Variants in NKAIN2 observed in about 807,000 individuals in gnomAD.
The protein encoded by NKAIN2 is sodium/potassium transporting ATPase interacting 2.
A neutral mutation model predicts 32.6 loss-of-function variants in NKAIN2; 14 were observed. The observed-to-expected ratio is 0.43, with a 90% CI of 0.28 to 0.67. NKAIN2 has a LOEUF of 0.67. Ranked by LOEUF, NKAIN2 falls within the 30% of genes least tolerant of loss-of-function variation. The pLI, the probability that NKAIN2 is intolerant of heterozygous loss-of-function variation, is 0.17. For synonymous variants in NKAIN2, 80 were observed against 87.2 expected, an observed-to-expected ratio of 0.92 and a Z score of 0.46; for missense variants, 198 against 258.3, an observed-to-expected ratio of 0.77 and a Z score of 1.60.
intron 3 of NKAIN2, among the ~76,000 whole-genome samples, chr6:124,642,758 C>T (rs1362484849): frequency 6.6e-6 from 1 of 152,102 alleles, no homozygotes; most frequent in African/African-American, 2.4e-5. Context: ...AATATTGATA[C>T]TTCCCAGGGT....
chr6:124,135,339 G>GA (rs1475998519), intron 1 of NKAIN2, among the ~76,000 whole-genome samples: 3 of 151,724 alleles, frequency 2.0e-5, no homozygotes, highest in Non-Finnish European at 2.9e-5. Flanking sequence ...ACGGCAGATG[G>GA]AAAAAATTCC....
intron 3 of NKAIN2, among the ~76,000 whole-genome samples, chr6:124,368,422 C>A (rs1562133824): frequency 6.6e-6 from 1 of 152,108 alleles, no homozygotes; most frequent in South Asian, 2.1e-4. Flanking sequence ...ACTTTGACAT[C>A]TTTTACTATT....
chr6:124,343,526 A>C (rs1201048377), intron 2 of NKAIN2, among the ~76,000 whole-genome samples: 3 of 151,926 alleles, frequency 2.0e-5, no homozygotes, highest in Non-Finnish European at 4.4e-5. Flanking sequence ...TGCCATTCTA[A>C]CTGGTGTGAG....
At chr6:124,168,345 T>C (rs1788676633) in intron 1 of NKAIN2, among the ~76,000 whole-genome samples, 1 of 152,086 alleles carries the variant, frequency 6.6e-6, no homozygotes, top group South Asian at 2.1e-4. Flanking sequence ...TTCTGGGAAT[T>C]TTAGCTACAA....
chr6:124,130,742 T>A (rs1226637574), intron 1 of NKAIN2, among the ~76,000 whole-genome samples: 1 of 152,168 alleles, frequency 6.6e-6, no homozygotes, highest in Admixed American at 6.5e-5. Flanking sequence ...TTTAGGATGA[T>A]TTTTTTAAAG....
chr6:124,565,852 C>A (rs1780891202), intron 3 of NKAIN2, among the ~76,000 whole-genome samples: 1 of 152,162 alleles, frequency 6.6e-6, no homozygotes, highest in African/African-American at 2.4e-5. Context: ...GGAAGTGTTT[C>A]TAACATGTTT....
chr6:124,343,639 G>A (rs1798253799), intron 2 of NKAIN2, among the ~76,000 whole-genome samples: 1 of 150,428 alleles, frequency 6.6e-6, no homozygotes, highest in Admixed American at 6.7e-5. Flanking sequence ...CTTTTGAGAA[G>A]TGTCTGTTGA....
chr6:124,470,137 G>A (rs1020397432), intron 3 of NKAIN2, among the ~76,000 whole-genome samples: 6 of 152,186 alleles, frequency 3.9e-5, no homozygotes, highest in Middle Eastern at 3.4e-3. Flanking sequence ...AAAAACAGCA[G>A]GTGTAAAGGT....
intron 1 of NKAIN2, among the ~76,000 whole-genome samples, chr6:124,089,997 C>G (rs1339029163): frequency 6.6e-6 from 1 of 151,932 alleles, no homozygotes; most frequent in East Asian, 1.9e-4. Context: ...TGAATAGTTG[C>G]ATATGTACAC....
chr6:124,708,989 T>G lies in NKAIN2; in HGVS notation c.474+50603T>G, dbSNP rs1198960206. On this transcript the variant is annotated intron_variant, in intron 4 of 6. Transcript: ENST00000368417. ...TGGCTGTGGGTTTGTCATAGATAGC[T>G]CTTATGATTTTGAGATACGTCCCGT... 1.4e-3 allele frequency among the ~76,000 whole-genome samples: 205 copies of G among 146,438 alleles called. 3 individuals carry two copies. The highest frequency in any genetic ancestry group is 5.2e-3 in the African/African-American group (200 of 38,406).
intron 1 of NKAIN2, among the ~76,000 whole-genome samples, chr6:124,139,058 C>T (rs1250988213): frequency 7.0e-6 from 1 of 142,282 alleles, no homozygotes; most frequent in African/African-American, 2.6e-5. Context: ...ACCTGTTCCC[C>T]AAAAACTTTT....
chr6:124,403,504 C>G (rs561909139), intron 3 of NKAIN2, among the ~76,000 whole-genome samples: 2 of 152,206 alleles, frequency 1.3e-5, no homozygotes, highest in African/African-American at 4.8e-5. Flanking sequence ...TCAGCATAGT[C>G]AATCACATTT....
chr6:124,480,532 C>A (rs1777402391), intron 3 of NKAIN2, among the ~76,000 whole-genome samples: 1 of 152,000 alleles, frequency 6.6e-6, no homozygotes, highest in Admixed American at 6.6e-5. Flanking sequence ...GGTTACAGAT[C>A]ATTTTATAAC....
intron 1 of NKAIN2, among the ~76,000 whole-genome samples, chr6:124,199,876 A>C (rs2114621056): frequency 6.6e-6 from 1 of 152,272 alleles, no homozygotes; most frequent in Admixed American, 6.5e-5. Flanking sequence ...TTCAACCTAA[A>C]CTTGGAGAAA....
At chr6:124,031,278 G>A (rs141339005) in intron 1 of NKAIN2, among the ~76,000 whole-genome samples, 9 of 151,852 alleles carry the variant, frequency 5.9e-5, no homozygotes, top group East Asian at 1.9e-4. Flanking sequence ...TTTTTATTAC[G>A]TCTATTTGAT....
chr6:124,324,712 GTT>G (rs57387940), intron 2 of NKAIN2, among the ~76,000 whole-genome samples: 2 of 148,580 alleles, frequency 1.3e-5, no homozygotes, highest in African/African-American at 4.9e-5. Context: ...TGTTTTGGAA[GTT>G]TTTTTTTTAT....
chr6:124,064,624 CTT>C lies in NKAIN2; in HGVS notation c.55-218378_55-218377del, dbSNP rs535785842. On this transcript the variant is annotated intron_variant, in intron 1 of 6. Transcript: ENST00000368417. ...TATGCTAGACTTTAAGAAATCCACT[CTT>C]TTCTCAAGGTATCTGTATGTGGTAA... is the stretch of plus-strand genomic sequence containing the variant. Among the ~76,000 whole-genome samples, 49 of 152,198 alleles carry C rather than the reference CTT, an allele frequency of 3.2e-4. 1 individual carries two copies. The highest frequency in any genetic ancestry group is 3.1e-3 in the Admixed American group (47 of 15,274).
rs192227895 is a variant in NKAIN2 at position 123,809,792 on chromosome 6, G to A, written c.54+5538G>A. ...TATTCTAAGATTTAATCTTATGCAGGTATAGACTCTTTTTGTTTTTCCAAC... is the reference window on the plus strand; with the variant it reads ...TATTCTAAGATTTAATCTTATGCAGATATAGACTCTTTTTGTTTTTCCAAC... On this transcript the variant is annotated intron_variant, in intron 1 of 6. Coordinates refer to ENST00000368417, the MANE Select transcript of NKAIN2 (RefSeq NM_001040214.3). Among the ~76,000 whole-genome samples, 421 of 152,134 alleles carry A rather than the reference G, an allele frequency of 2.8e-3. 4 individuals carry two copies. The highest frequency in any genetic ancestry group is 9.6e-3 in the African/African-American group (398 of 41,540).
intron 3 of NKAIN2, among the ~76,000 whole-genome samples, chr6:124,646,498 T>C (rs1183188845): frequency 2.6e-5 from 4 of 152,046 alleles, no homozygotes; most frequent in Non-Finnish European, 5.9e-5. Flanking sequence ...AAGGATATAA[T>C]GCAATAATAT....
Sources: gnomAD v4.1 joint callset for allele counts (sites outside exome capture counted in the v4.1 genomes callset) on GRCh38, gnomAD v4.1.1 for gene constraint, MANE v1.5 for transcripts, NCBI Gene and HGNC (gene_info 2026-07-23, HGNC 2026-07-21) for gene names.